The following CNTLN variants were observed in gnomAD, a reference collection of about 807,000 sequenced individuals.
CNTLN encodes the protein centlein, also known as centlein, centrosomal protein.
CNTLN carries 212 observed loss-of-function variants against 180.0 expected under a neutral mutation model. The observed-to-expected ratio is 1.18, with a 90% CI of 1.05 to 1.32. The LOEUF (loss-of-function observed/expected upper bound fraction) is 1.32. Ranked by LOEUF, CNTLN falls within the 40% of genes most tolerant of loss-of-function variation. The pLI is 0.00. For missense variants in CNTLN, 2,095 were observed against 1,610.9 expected, an observed-to-expected ratio of 1.30 and a Z score of -5.14; for synonymous variants, 722 against 563.1, an observed-to-expected ratio of 1.28 and a Z score of -3.99.
At chr9:17,161,086 G>T (rs1586958114) in intron 2 of CNTLN, among the ~76,000 whole-genome samples, 1 of 152,120 alleles carries the variant, frequency 6.6e-6, no homozygotes, top group East Asian at 1.9e-4. Flanking sequence ...TCTGGAAAAA[G>T]TTAAAAAAGT....
At chr9:17,507,672 A>G (rs1833956982), downstream of CNTLN, among the ~76,000 whole-genome samples, 1 of 152,180 alleles carries the variant, frequency 6.6e-6, no homozygotes, top group African/African-American at 2.4e-5. Flanking sequence ...TGCCTGTGAC[A>G]TGAAATCTTT....
chr9:17,398,204 T>C lies in CNTLN; in HGVS notation c.2615+3135T>C, dbSNP rs185616142. Reference sequence around the variant, plus strand: ...ATAGAATTTCAGTATTCCAAGCAAATTAAAGAAAGAGAAGTGAAGTTTGTA... The same window carrying C: ...ATAGAATTTCAGTATTCCAAGCAAACTAAAGAAAGAGAAGTGAAGTTTGTA... On this transcript the variant is annotated intron_variant, in intron 15 of 25. Coordinates refer to ENST00000380647, the MANE Select transcript of CNTLN (RefSeq NM_017738.4). 2.0e-5 allele frequency among the ~76,000 whole-genome samples: 3 copies of C among 152,202 alleles called. No individual in the cohort carries two copies. The East Asian group carries it at 5.8e-4, about 29-fold the overall frequency.
chr9:17,233,607 G>GTATTGTT (rs1174013505), intron 3 of CNTLN, among the ~76,000 whole-genome samples: 1 of 152,106 alleles, frequency 6.6e-6, no homozygotes, highest in Non-Finnish European at 1.5e-5. Flanking sequence ...GTTCATAGCA[G>GTATTGTT]TATTGTTTGT....
intron 5 of CNTLN, among the ~76,000 whole-genome samples, chr9:17,264,020 T>G (rs1194959184): frequency 6.8e-6 from 1 of 146,224 alleles, no homozygotes; most frequent in Non-Finnish European, 1.5e-5. Flanking sequence ...GATAGTTTCT[T>G]TTGCTGTGCA....
intron 18 of CNTLN, among the ~76,000 whole-genome samples, chr9:17,426,276 C>T (rs1829077797): frequency 6.6e-6 from 1 of 152,152 alleles, no homozygotes. Flanking sequence ...TGCCATGTTG[C>T]CACTCCCATC....
At chr9:17,247,895 GACTCAGCTC>G (rs1182990510) in intron 5 of CNTLN, among the ~76,000 whole-genome samples, 1 of 143,344 alleles carries the variant, frequency 7.0e-6, no homozygotes, top group African/African-American at 2.6e-5. Flanking sequence ...GTGGTGGGAT[GACTCAGCTC>G]ACTGCCACCT....
At position 17,135,438 on chromosome 9, in the gene CNTLN, C is replaced by CT. The variant is rs775961362; in HGVS notation, c.360+14dup. The CT allele has an allele frequency of 6.3e-7, 1 of 1,583,318 alleles. No individual in the cohort carries two copies. The highest frequency in any genetic ancestry group is 1.3e-5 in the African/African-American group (1 of 74,670). On this transcript the variant is annotated intron_variant, in intron 1 of 25. Coordinates refer to ENST00000380647, the MANE Select transcript of CNTLN (RefSeq NM_017738.4). ...GGCCCTGTGTCAGGTATCGAGGAGT[C>CT]TCGCAGTCCCCCTTTCCCCACCACA...
intron 2 of CNTLN, among the ~76,000 whole-genome samples, chr9:17,207,638 C>T (rs1054916498): frequency 6.6e-6 from 1 of 152,216 alleles, no homozygotes; most frequent in Non-Finnish European, 1.5e-5. Flanking sequence ...CGGTACCCCA[C>T]CCTGCTTCTG....
intron 18 of CNTLN, among the ~76,000 whole-genome samples, chr9:17,418,336 A>C (rs112075414): frequency 0.012 from 1,774 of 152,128 alleles, 37 homozygotes; most frequent in African/African-American, 0.04. Context: ...AACTAAACTT[A>C]GAATTCTCTA....
At chr9:17,272,570 AG>A in intron 5 of CNTLN, among the ~76,000 whole-genome samples, 1 of 152,258 alleles carries the variant, frequency 6.6e-6, no homozygotes, top group Middle Eastern at 3.4e-3. Flanking sequence ...TTCCAGCCTG[AG>A]GCATCTTGTC....
At chr9:17,326,556 G>A (rs927489018) in intron 8 of CNTLN, among the ~76,000 whole-genome samples, 5 of 152,144 alleles carry the variant, frequency 3.3e-5, no homozygotes, top group Admixed American at 3.3e-4. Flanking sequence ...ATATGTTTGA[G>A]ATTATTAAGT....
chr9:17,504,616 A>T (rs746631601), downstream of CNTLN, among the ~76,000 whole-genome samples: 2 of 152,214 alleles, frequency 1.3e-5, no homozygotes, highest in Admixed American at 6.6e-5. Context: ...TGTGAGCCTG[A>T]TGAAACCACA....
intron 23 of CNTLN, among the ~76,000 whole-genome samples, chr9:17,471,514 TC>T (rs1832041682): frequency 1.3e-5 from 2 of 152,078 alleles, no homozygotes; most frequent in African/African-American, 4.8e-5. Flanking sequence ...GCTCATGATA[TC>T]CCAAGAATTG....
chr9:17,241,877 C>G (rs1825514340), intron 5 of CNTLN, among the ~76,000 whole-genome samples: 1 of 152,010 alleles, frequency 6.6e-6, no homozygotes, highest in Non-Finnish European at 1.5e-5. Flanking sequence ...GGCAATGCTA[C>G]TGATTTTTGT....
At chr9:17,152,881 T>C (rs1314362083) in intron 2 of CNTLN, among the ~76,000 whole-genome samples, 1 of 152,244 alleles carries the variant, frequency 6.6e-6, no homozygotes, top group Non-Finnish European at 1.5e-5. Context: ...TAGTTCACTC[T>C]TGCTGCATTG....
chr9:17,332,299 C>G (rs1275144557), intron 9 of CNTLN, among the ~76,000 whole-genome samples: 1 of 152,070 alleles, frequency 6.6e-6, no homozygotes, highest in Non-Finnish European at 1.5e-5. Flanking sequence ...CCTCTATCCC[C>G]TCCTTTGTAA....
intron 2 of CNTLN, among the ~76,000 whole-genome samples, chr9:17,179,243 CAAAAAAAAA>C (rs775986829): frequency 1.6e-5 from 1 of 62,234 alleles, no homozygotes. Flanking sequence ...GACTCCGTCT[CAAAAAAAAA>C]AAAAAAAAAA....
chr9:17,398,674 G>A (rs80102452), intron 15 of CNTLN, among the ~76,000 whole-genome samples: 16 of 152,034 alleles, frequency 1.1e-4, no homozygotes, highest in African/African-American at 3.9e-4. Context: ...TTTATTTGCC[G>A]CCTGCAAACT....
chr9:17,144,462 A>G (rs1262913015), intron 2 of CNTLN, among the ~76,000 whole-genome samples: 3 of 152,064 alleles, frequency 2.0e-5, no homozygotes, highest in Non-Finnish European at 4.4e-5. Context: ...TGGGACTTCA[A>G]TTGTCATTTC....
Sources: allele counts gnomAD v4.1 joint callset (sites outside exome capture counted in the v4.1 genomes callset), GRCh38; gene constraint gnomAD v4.1.1; transcripts MANE v1.5; gene names NCBI Gene and HGNC (gene_info 2026-07-23, HGNC 2026-07-21).